The following CX3CR1 variants were observed in gnomAD, a reference collection of about 807,000 sequenced individuals.
CX3CR1 encodes C-X3-C motif chemokine receptor 1.
For synonymous variants in CX3CR1, 168 were observed against 178.5 expected, an observed-to-expected ratio of 0.94 and a Z score of 0.47; for missense variants, 363 against 432.4, an observed-to-expected ratio of 0.84 and a Z score of 1.42.
the CX3CR1 span, among the ~76,000 whole-genome samples, chr3:39,291,614 T>C: frequency 6.6e-6 from 1 of 152,224 alleles, no homozygotes; most frequent in African/African-American, 2.4e-5. Context: ...CTGTCTCAGA[T>C]ACTTTTTGGT....
chr3:39,271,032 A>T (rs910808088), intron 1 of CX3CR1, among the ~76,000 whole-genome samples: 1 of 152,248 alleles, frequency 6.6e-6, no homozygotes, highest in Middle Eastern at 3.4e-3. Flanking sequence ...GAGGGCCCAG[A>T]TGTGTTCGGC....
Position 39,280,036 on chromosome 3 carries a change from C to A in CX3CR1, c.-92G>T. 1 of 985,406 alleles carries A rather than the reference C, an allele frequency of 1.0e-6. No homozygotes were observed. The highest frequency in any genetic ancestry group is 1.2e-6 in the Non-Finnish European group (1 of 829,878). 61.0% of individuals were successfully genotyped at this position (985,406 alleles called of 1,614,324 possible). On this transcript the variant is annotated 5_prime_UTR_variant, in exon 1 of 2. Coordinates refer to ENST00000399220, the MANE Select transcript of CX3CR1 (RefSeq NM_001337.4). ...CAGACTTTACCAGAGACGAGTATTT[C>A]CCTTTCCTTCCCTCTAAGAGCATTT... is the stretch of plus-strand genomic sequence containing the variant.
chr3:39,273,842 C>G (rs2040807891), intron 1 of CX3CR1, among the ~76,000 whole-genome samples: 1 of 152,148 alleles, frequency 6.6e-6, no homozygotes, highest in Admixed American at 6.5e-5. Flanking sequence ...GTTGACCAGG[C>G]TGGTCTTGAA....
rs2040679903 is a variant in CX3CR1, at chr3:39,265,308, C to T, written c.*134G>A. 1.2e-6 allele frequency: 1 copy of T among 863,760 alleles called. No individual in the cohort carries two copies. Among genetic ancestry groups the T allele is most frequent in the African/African-American group, 1.7e-5 (1 of 59,346 alleles). The allele number at this position is 863,760 out of a possible 1,614,324, so 53.5% of individuals were successfully genotyped here. On this transcript the variant is annotated 3_prime_UTR_variant, in exon 2 of 2. Transcript: ENST00000399220. The stretch of plus-strand genomic sequence containing the variant: ...TTTGAGCACAATTCTCAACAACACT[C>T]TAGGGTTGTTTTGTGTGCATTGGGT...
chr3:39,291,456 C>T, the CX3CR1 span, among the ~76,000 whole-genome samples: 2 of 152,326 alleles, frequency 1.3e-5, no homozygotes, highest in Admixed American at 6.5e-5. Context: ...TTTCCCCTCC[C>T]GCCTACTTGT....
At chr3:39,269,413 G>C (rs1274048289) in intron 1 of CX3CR1, among the ~76,000 whole-genome samples, 1 of 152,116 alleles carries the variant, frequency 6.6e-6, no homozygotes, top group Admixed American at 6.5e-5. Flanking sequence ...GTCTGGCTTG[G>C]CAAGGAGCTC....
chr3:39,277,452 T>C (rs2040852369), intron 1 of CX3CR1, among the ~76,000 whole-genome samples: 1 of 152,176 alleles, frequency 6.6e-6, no homozygotes, highest in Non-Finnish European at 1.5e-5. Context: ...GATTCTGCCA[T>C]TCTGGTTCCA....
At chr3:39,283,795 TTATATATATATATATATATATATA>T (rs59133796), upstream of CX3CR1, among the ~76,000 whole-genome samples, 1,688 of 65,310 alleles carry the variant, frequency 0.026, 128 homozygotes, top group African/African-American at 0.067. Context: ...AAAAAAAAAA[TTATATATATATATATATATATATA>T]TATATATATA....
At chr3:39,286,523 C>CAT (rs2040944053), upstream of CX3CR1, 1 of 151,530 alleles carries the variant, frequency 6.6e-6, no homozygotes, top group African/African-American at 2.4e-5. Flanking sequence ...CGGTGGCGGG[C>CAT]GCCTGTAGTC....
At chr3:39,286,620 C>G (rs970922351), upstream of CX3CR1, 4 of 142,230 alleles carry the variant, frequency 2.8e-5, no homozygotes, top group Admixed American at 7.6e-5. Flanking sequence ...CACTGCAGTC[C>G]GCAGTCCGGC....
chr3:39,285,679 A>T (rs1206717182), upstream of CX3CR1, among the ~76,000 whole-genome samples: 2 of 150,826 alleles, frequency 1.3e-5, no homozygotes, highest in African/African-American at 2.5e-5. Flanking sequence ...GTCATTTTTT[A>T]AAAATTAAAA....
Position 39,267,865 on chromosome 3 carries a change from G to A in CX3CR1, c.-9-1347C>T, listed in dbSNP as rs55926206. On this transcript the variant is annotated intron_variant, in intron 1 of 1. Transcript: ENST00000399220. ...TGCAGGCTGCACTCCCCTTCTTTTC[G>A]CAGCCAGGACTTGCTGCTCATTCAC... is the stretch of plus-strand genomic sequence containing the variant. Among the ~76,000 whole-genome samples the A allele has an allele frequency of 1.7e-3, 255 of 152,240 alleles. 1 individual carries two copies. Among genetic ancestry groups the A allele is most frequent in the African/African-American group, 6.0e-3 (248 of 41,540 alleles).
intron 1 of CX3CR1, among the ~76,000 whole-genome samples, chr3:39,266,895 T>TGCCTCA (rs1379779820): frequency 6.6e-6 from 1 of 152,138 alleles, no homozygotes; most frequent in Non-Finnish European, 1.5e-5. Context: ...GCGATTCTCC[T>TGCCTCA]GCCTCAGCCT....
rs1400391199 is a variant in CX3CR1 at position 39,279,986 on chromosome 3, T to G, written c.-42A>C. ...GGACTGCCAAGGGAACCTCTGGATC[T>G]GCCAGTCAGCCACCCTGTCCTGCTC... On this transcript the variant is annotated 5_prime_UTR_variant, in exon 1 of 2. Coordinates refer to ENST00000399220, the MANE Select transcript of CX3CR1 (RefSeq NM_001337.4). 2 of 985,438 alleles carry G rather than the reference T, an allele frequency of 2.0e-6. No individual in the cohort carries two copies. The highest frequency in any genetic ancestry group is 2.4e-6 in the Non-Finnish European group (2 of 830,016). 61.0% of individuals were successfully genotyped at this position (985,438 alleles called of 1,614,324 possible).
intron 1 of CX3CR1, among the ~76,000 whole-genome samples, chr3:39,270,651 ATC>A (rs2040764627): frequency 6.6e-6 from 1 of 152,218 alleles, no homozygotes; most frequent in African/African-American, 2.4e-5. Flanking sequence ...AAGTTTAAAT[ATC>A]TCTTAAGGAA....
rs564880008 is a variant in CX3CR1, at chr3:39,279,246, G to GA, written c.-10+707dup. Among the ~76,000 whole-genome samples, 38 of 149,254 alleles carry GA rather than the reference G, an allele frequency of 2.5e-4. No individual in the cohort carries two copies. In the East Asian group the frequency reaches 3.1e-3, roughly 12 times the overall value. On this transcript the variant is annotated intron_variant, in intron 1 of 1. Transcript: ENST00000399220. ...ATGGTACAAAAAGTGGAAGAAAAAGGAAAAAAAAACCCATGAAACTATCTG... is the reference window on the plus strand; with the variant it reads ...ATGGTACAAAAAGTGGAAGAAAAAGGAAAAAAAAAACCCATGAAACTATCTG...
chr3:39,266,661 T>A (rs1159979681), intron 1 of CX3CR1, 143 bp from the exon 2 acceptor site: 4 of 820,812 alleles, frequency 4.9e-6, no homozygotes, highest in Non-Finnish European at 8.6e-6. Flanking sequence ...CCACTTGCCA[T>A]CTTGTTTAAT....
chr3:39,280,598 A>C (rs562547347), upstream of CX3CR1, among the ~76,000 whole-genome samples: 1 of 152,356 alleles, frequency 6.6e-6, no homozygotes, highest in African/African-American at 2.4e-5. Context: ...AGTACCTTGC[A>C]CCTTGTAGAT....
At chr3:39,283,797 A>ATATATATG, upstream of CX3CR1, among the ~76,000 whole-genome samples, 1 of 23,718 alleles carries the variant, frequency 4.2e-5, no homozygotes, top group Non-Finnish European at 9.1e-5. Flanking sequence ...AAAAAAAATT[A>ATATATATG]TATATATATA....
Sources: allele counts gnomAD v4.1 joint callset (sites outside exome capture counted in the v4.1 genomes callset), GRCh38; gene constraint gnomAD v4.1.1; transcripts MANE v1.5; gene names NCBI Gene and HGNC (gene_info 2026-07-23, HGNC 2026-07-21).